DAAM2: variants seen among roughly 807,000 people sequenced by gnomAD.
DAAM2 encodes the protein dishevelled associated activator of morphogenesis 2.
A neutral mutation model predicts 120.7 loss-of-function variants in DAAM2; 39 were observed. That is an observed-to-expected ratio of 0.32 (90% CI 0.25 to 0.42). The LOEUF is 0.42. Among genes scored for constraint, DAAM2 ranks in the 10% least tolerant of loss-of-function variants. DAAM2 has a pLI of 1.00. For synonymous variants in DAAM2, 488 were observed against 524.9 expected (o/e 0.93, Z 0.96); for missense variants, 1,283 against 1,401.7 (o/e 0.92, Z 1.35).
intron 1 of DAAM2, among the ~76,000 whole-genome samples, chr6:39,835,690 A>G (rs1180223746): frequency 6.6e-6 from 1 of 152,244 alleles, no homozygotes; most frequent in East Asian, 1.9e-4. Flanking sequence ...CATTGAGCGT[A>G]GCTATGAAAG....
At chr6:39,798,747 C>G (rs1439959890) in intron 1 of DAAM2, among the ~76,000 whole-genome samples, 1 of 152,172 alleles carries the variant, frequency 6.6e-6, no homozygotes, top group Non-Finnish European at 1.5e-5. Context: ...CCTGGTCTTC[C>G]TGATCTACTC....
chr6:39,874,037 T>A (rs992687681), intron 10 of DAAM2, among the ~76,000 whole-genome samples: 6 of 152,218 alleles, frequency 3.9e-5, no homozygotes, highest in Non-Finnish European at 8.8e-5. Context: ...ATGTTGGCGG[T>A]GTCAGCAATC....
rs887258526 is a variant in DAAM2 at position 39,835,709 on chromosome 6, G to A, written c.-56-20538G>A. Among the ~76,000 whole-genome samples, 22 of 152,358 alleles carry A rather than the reference G, an allele frequency of 1.4e-4. 1 individual carries two copies. In the South Asian group the frequency reaches 2.9e-3, roughly 20 times the overall value. ...GAGCGTAGCTATGAAAGAGACAGGG[G>A]CATGGGTTGGCGAAGATGCCGAGAG... On this transcript the variant is annotated intron_variant, in intron 1 of 24. Coordinates refer to ENST00000274867, the MANE Select transcript of DAAM2 (RefSeq NM_001201427.2).
At chr6:39,890,934 A>G (rs1207680756) in intron 17 of DAAM2, among the ~76,000 whole-genome samples, 1 of 152,086 alleles carries the variant, frequency 6.6e-6, no homozygotes, top group African/African-American at 2.4e-5. Flanking sequence ...CAAAATAAAA[A>G]AATAAAAAAA....
intron 14 of DAAM2, among the ~76,000 whole-genome samples, chr6:39,881,430 A>G (rs943145835): frequency 2.6e-5 from 4 of 152,248 alleles, no homozygotes; most frequent in Non-Finnish European, 5.9e-5. Flanking sequence ...CCATCTCAAG[A>G]GATTGTAGCC....
chr6:39,831,296 G>T (rs542889895), intron 1 of DAAM2, among the ~76,000 whole-genome samples: 22 of 152,230 alleles, frequency 1.4e-4, no homozygotes, highest in Admixed American at 1.2e-3. Context: ...GATGGGAGGT[G>T]CTGGGAGCGG....
chr6:39,824,455 T>C (rs1762598007), intron 1 of DAAM2, among the ~76,000 whole-genome samples: 1 of 152,188 alleles, frequency 6.6e-6, no homozygotes, highest in Admixed American at 6.5e-5. Flanking sequence ...TCCCTGTTTG[T>C]TTTGACATCC....
intron 14 of DAAM2, among the ~76,000 whole-genome samples, chr6:39,882,486 C>T (rs1039558234): frequency 6.6e-6 from 1 of 152,100 alleles, no homozygotes; most frequent in African/African-American, 2.4e-5. Flanking sequence ...GAAGCTTTAC[C>T]TCTGCAGGCT....
intron 1 of DAAM2, among the ~76,000 whole-genome samples, chr6:39,836,630 C>G (rs1338521522): frequency 6.6e-6 from 1 of 152,180 alleles, no homozygotes; most frequent in Non-Finnish European, 1.5e-5. Flanking sequence ...AAATCAGAAA[C>G]TCTGGGGTGG....
chr6:39,817,813 T>C (rs1451031129), intron 1 of DAAM2, among the ~76,000 whole-genome samples: 4 of 152,176 alleles, frequency 2.6e-5, no homozygotes. Context: ...AAATGAGGCC[T>C]ACCCACATTA....
chr6:39,865,889 T>G (rs1764409981), intron 5 of DAAM2, among the ~76,000 whole-genome samples: 1 of 152,234 alleles, frequency 6.6e-6, no homozygotes. Context: ...TTTACATGCA[T>G]TGTATGTGCA....
chr6:39,871,583 A>T lies in DAAM2; in HGVS notation c.1044+11A>T. On this transcript the variant is annotated intron_variant, in intron 9 of 24. Transcript: ENST00000274867. ...AGGAGGTTTGACATGGTGAGGAGCC[A>T]GCAGGGTGGAGCGATTGCAATGGGG... The T allele has an allele frequency of 1.3e-6, 2 of 1,549,190 alleles. No homozygotes were observed. The highest frequency in any genetic ancestry group is 1.7e-6 in the Non-Finnish European group (2 of 1,146,476).
At chr6:39,834,055 G>T (rs1032439335) in intron 1 of DAAM2, among the ~76,000 whole-genome samples, 1 of 152,300 alleles carries the variant, frequency 6.6e-6, no homozygotes, top group East Asian at 1.9e-4. Flanking sequence ...TGACCCCGTC[G>T]TATGCCTGAG....
At chr6:39,807,626 C>T (rs752776414) in intron 1 of DAAM2, among the ~76,000 whole-genome samples, 5 of 152,142 alleles carry the variant, frequency 3.3e-5, no homozygotes, top group African/African-American at 7.2e-5. Flanking sequence ...AAGTGATTCT[C>T]CCACCTCAGC....
rs1045337894 is a variant in DAAM2 at position 39,875,541 on chromosome 6, G to A, written c.1301+73G>A. On this transcript the variant is annotated intron_variant, in intron 11 of 24. Transcript: ENST00000274867. ...ACTCTCCCACTCTGGTCTCACCAGCGAAACCTCAGCTCCCTTTCGCAACCC... is the reference window on the plus strand; with the variant it reads ...ACTCTCCCACTCTGGTCTCACCAGCAAAACCTCAGCTCCCTTTCGCAACCC... The A allele has an allele frequency of 4.8e-5, 74 of 1,540,300 alleles. No homozygotes were observed. The African/African-American group carries it at 5.3e-4, about 11-fold the overall frequency.
intron 2 of DAAM2, among the ~76,000 whole-genome samples, chr6:39,859,204 A>C (rs1389007920): frequency 1.3e-5 from 2 of 152,194 alleles, no homozygotes; most frequent in Non-Finnish European, 2.9e-5. Flanking sequence ...TAGGAATTAG[A>C]CCAGGTCCTT....
At chr6:39,843,294 G>A (rs1454208260) in intron 1 of DAAM2, among the ~76,000 whole-genome samples, 2 of 152,162 alleles carry the variant, frequency 1.3e-5, no homozygotes, top group African/African-American at 4.8e-5. Flanking sequence ...TCGGAAAGCA[G>A]GGAGTGTGGA....
At chr6:39,854,000 T>C (rs1425644937) in intron 1 of DAAM2, among the ~76,000 whole-genome samples, 2 of 152,182 alleles carry the variant, frequency 1.3e-5, no homozygotes, top group Admixed American at 6.5e-5. Flanking sequence ...TCTTACTCAC[T>C]CTCTGCCATT....
chr6:39,887,021 C>T (rs1765416556), intron 15 of DAAM2: 1 of 156,362 alleles, frequency 6.4e-6, no homozygotes, highest in Non-Finnish European at 1.4e-5. Flanking sequence ...TAGGAGTCAG[C>T]AACTGTTCCC....
Sources: gnomAD v4.1 joint callset for allele counts (sites outside exome capture counted in the v4.1 genomes callset) on GRCh38, gnomAD v4.1.1 for gene constraint, MANE v1.5 for transcripts, NCBI Gene and HGNC (gene_info 2026-07-23, HGNC 2026-07-21) for gene names.